FBLN5: variants seen among roughly 807,000 people sequenced by gnomAD.
FBLN5 encodes the protein fibulin-5.
A neutral mutation model predicts 61.6 loss-of-function variants in FBLN5; 24 were observed. The ratio of observed to expected loss-of-function variants is 0.39; its 90% CI spans 0.28 to 0.55. The LOEUF is 0.55. FBLN5 is among the 20% of genes least tolerant of loss of function. FBLN5 has a pLI of 0.65. For missense variants in FBLN5, 470 were observed against 594.1 expected (o/e 0.79, Z 2.17); for synonymous variants, 213 against 219.8 (o/e 0.97, Z 0.27).
At chr14:91,901,604 C>T (rs977637111) in intron 4 of FBLN5, among the ~76,000 whole-genome samples, 2 of 152,116 alleles carry the variant, frequency 1.3e-5, no homozygotes, top group African/African-American at 4.8e-5. Context: ...TTCAGCAAGA[C>T]GAGCCCAGCC....
intron 2 of FBLN5, among the ~76,000 whole-genome samples, chr14:91,941,112 G>T (rs1461487141): frequency 2.6e-5 from 4 of 152,126 alleles, no homozygotes; most frequent in Admixed American, 1.3e-4. Context: ...GAATAAGACT[G>T]CTTTTAAGGG....
intron 4 of FBLN5, among the ~76,000 whole-genome samples, chr14:91,926,765 G>T (rs773466072): frequency 6.2e-4 from 94 of 151,356 alleles, no homozygotes; most frequent in Non-Finnish European, 9.6e-4. Context: ...GAGCTTGCAG[G>T]TACGTGGAGT....
intron 4 of FBLN5, among the ~76,000 whole-genome samples, chr14:91,929,429 T>C (rs551875892): frequency 6.6e-6 from 1 of 152,256 alleles, no homozygotes; most frequent in South Asian, 2.1e-4. Context: ...AGACCCCAGA[T>C]TACGACCCTT....
At chr14:91,926,695 A>G (rs1399583890) in intron 4 of FBLN5, among the ~76,000 whole-genome samples, 2 of 151,858 alleles carry the variant, frequency 1.3e-5, no homozygotes, top group African/African-American at 4.8e-5. Flanking sequence ...GTCTGACCCT[A>G]TGACTGGCAG....
At chr14:91,917,500 C>T (rs536465262) in intron 4 of FBLN5, among the ~76,000 whole-genome samples, 42 of 126,410 alleles carry the variant, frequency 3.3e-4, no homozygotes, top group African/African-American at 1.1e-3. Context: ...TGCTTAAATG[C>T]GGGAGGTAGA....
At chr14:91,945,924 T>A (rs1231602960) in intron 1 of FBLN5, among the ~76,000 whole-genome samples, 1 of 152,328 alleles carries the variant, frequency 6.6e-6, no homozygotes, top group East Asian at 1.9e-4. Context: ...TATTTTCCAG[T>A]CTGTGTATTA....
chr14:91,919,755 C>T (rs2140021533), intron 4 of FBLN5, among the ~76,000 whole-genome samples: 1 of 152,330 alleles, frequency 6.6e-6, no homozygotes, highest in South Asian at 2.1e-4. Context: ...ATTAGAAAGA[C>T]AAGGAACAGA....
chr14:91,942,320 C>T, intron 2 of FBLN5: 1 of 377,008 alleles, frequency 2.7e-6, no homozygotes, highest in Non-Finnish European at 5.2e-6. Flanking sequence ...CTGAATTATG[C>T]AACACTACAT....
At chr14:91,884,206 T>C (rs994195335) in intron 7 of FBLN5, among the ~76,000 whole-genome samples, 1 of 152,162 alleles carries the variant, frequency 6.6e-6, no homozygotes, top group Non-Finnish European at 1.5e-5. Flanking sequence ...AACTCCTTCC[T>C]GTCTCTCTCA....
chr14:91,916,616 T>C (rs1292015574), intron 4 of FBLN5, among the ~76,000 whole-genome samples: 1 of 152,174 alleles, frequency 6.6e-6, no homozygotes, highest in African/African-American at 2.4e-5. Context: ...GCAGCTCAGA[T>C]GGCAGCTCTA....
chr14:91,874,058 T>TTG lies in FBLN5; in HGVS notation c.1185+3427_1185+3428dup, dbSNP rs150051720. On this transcript the variant is annotated intron_variant, in intron 10 of 10. Transcript: ENST00000342058. ...CAGCCAATAAGGCTTATGAATGGGC[T>TTG]TGTGTGTGTGTGTACACGTACGCAT... 1,380 of 152,252 alleles carry TTG rather than the reference T, an allele frequency of 9.1e-3. 19 individuals are homozygous for TTG. Among genetic ancestry groups the TTG allele is most frequent in the African/African-American group, 0.031 (1,273 of 41,530 alleles). The allele number at this position is 152,252 out of a possible 1,614,324, so 9.4% of individuals were successfully genotyped here. A position where few individuals can be genotyped will look rare whatever the true frequency, so the allele number is the denominator to read the frequency against.
In FBLN5 at chr14:91,942,936, G is replaced by C; in HGVS notation, c.43C>G (p.Leu15Val). 6.4e-7 allele frequency: 1 copy of C among 1,550,520 alleles called. No individual in the cohort carries two copies. The highest frequency in any genetic ancestry group is 8.7e-7 in the Non-Finnish European group (1 of 1,144,654). The part of the protein sequence containing the change: ...KRILTVTILA[L>V]CLPSPGNAQA... ...GCATTCCCAGGGCTTGGAAGACAGA[G>C]AGCCAGAATGGTAACAGTGAGTATC... Residue 15 changes from leucine (L) to valine (V), a missense_variant, in exon 2 of 11, where the codon CTC becomes GTC. Transcript: ENST00000342058.
At chr14:91,873,577 G>T (rs1194086637) in intron 10 of FBLN5, 1 of 152,466 alleles carries the variant, frequency 6.6e-6, no homozygotes, top group Non-Finnish European at 1.5e-5. Flanking sequence ...CTCCGCTAAG[G>T]TGTGTGTGGG....
intron 4 of FBLN5, among the ~76,000 whole-genome samples, chr14:91,920,608 C>T (rs755341045): frequency 1.3e-5 from 2 of 152,212 alleles, no homozygotes; most frequent in Non-Finnish European, 2.9e-5. Context: ...GATTTCTCAA[C>T]CAAACTATAA....
intron 4 of FBLN5, among the ~76,000 whole-genome samples, chr14:91,904,042 A>G (rs1247365097): frequency 1.3e-5 from 2 of 152,192 alleles, no homozygotes; most frequent in East Asian, 3.8e-4. Context: ...AGTTAAGCCT[A>G]CTTTCCTACT....
At position 91,911,172 on chromosome 14, in the gene FBLN5, C is replaced by T. The variant is rs146505799; in HGVS notation, c.380-16100G>A. On this transcript the variant is annotated intron_variant, in intron 4 of 10. Transcript: ENST00000342058. ...CTAATTTTTGTATTTTTAGTAGAGA[C>T]GGGCTTTTCACCAGGTTGGCCAGGC... Among the ~76,000 whole-genome samples, 168 of 152,104 alleles carry T rather than the reference C, an allele frequency of 1.1e-3. 1 individual carries two copies. Among genetic ancestry groups the T allele is most frequent in the Non-Finnish European group, 2.0e-3 (133 of 68,004 alleles).
chr14:91,942,665 G>T (rs1476186588), intron 2 of FBLN5, among the ~76,000 whole-genome samples: 3 of 152,126 alleles, frequency 2.0e-5, no homozygotes, highest in Non-Finnish European at 4.4e-5. Flanking sequence ...AAGAGTCTTG[G>T]ACTGGGAGTC....
chr14:91,942,992 C>A lies in FBLN5; in HGVS notation c.18-31G>T, dbSNP rs770470522. On this transcript the variant is annotated intron_variant, in intron 1 of 10. Transcript: ENST00000342058. ...GAGGTGAAAAGTCAAATATAAATGC[C>A]CAAGACAGATTCAGGTCTAGGGGAG... 2.7e-6 allele frequency: 4 copies of A among 1,455,960 alleles called. No individual in the cohort carries two copies. The South Asian group carries it at 3.6e-5, about 13-fold the overall frequency. The allele number at this position is 1,455,960 out of a possible 1,614,324, so 90.2% of individuals were successfully genotyped here. A position where few individuals can be genotyped will look rare whatever the true frequency, so the allele number is the denominator to read the frequency against.
intron 5 of FBLN5, 146 bp downstream of exon 5, chr14:91,894,804 G>A (rs1890151139): frequency 4.9e-6 from 4 of 811,136 alleles, no homozygotes; most frequent in Non-Finnish European, 6.1e-6. Flanking sequence ...TTACACATGT[G>A]AGTTCAATAG....
Sources: allele counts gnomAD v4.1 joint callset (sites outside exome capture counted in the v4.1 genomes callset), GRCh38; gene constraint gnomAD v4.1.1; transcripts MANE v1.5; gene names NCBI Gene and HGNC (gene_info 2026-07-23, HGNC 2026-07-21).